Variants in PTPRT observed in about 807,000 individuals in gnomAD.
PTPRT encodes receptor-type tyrosine-protein phosphatase T.
PTPRT carries 56 observed loss-of-function variants against 176.8 expected under a neutral mutation model. The observed-to-expected ratio is 0.32, with a 90% CI of 0.26 to 0.40. The LOEUF (loss-of-function observed/expected upper bound fraction) is 0.40. Among genes scored for constraint, PTPRT ranks in the 10% least tolerant of loss-of-function variants. The pLI, the probability that PTPRT is intolerant of heterozygous loss-of-function variation, is 1.00. For synonymous variants in PTPRT, 783 were observed against 739.0 expected (o/e 1.06, Z -0.96); for missense variants, 1,540 against 1,908.2 (o/e 0.81, Z 3.60).
chr20:42,481,991 C>T (rs1419227875), intron 7 of PTPRT, among the ~76,000 whole-genome samples: 2 of 152,056 alleles, frequency 1.3e-5, no homozygotes, highest in Non-Finnish European at 2.9e-5. Flanking sequence ...CAATACAACT[C>T]ACCCATCACA....
rs2074499666 is a variant in PTPRT at position 42,633,984 on chromosome 20, ATTATATT to A, written c.1153+43875_1153+43881del. Among the ~76,000 whole-genome samples the A allele has an allele frequency of 3.3e-4, 11 of 33,142 alleles. 1 individual carries two copies. Among genetic ancestry groups the A allele is most frequent in the African/African-American group, 1.0e-3 (9 of 8,940 alleles). The allele number at this position is 33,142 out of a possible 152,430, so 21.7% of individuals were successfully genotyped here. On this transcript the variant is annotated intron_variant, in intron 7 of 30. Transcript: ENST00000373187. ...TATAATATATTATAATATATTATAT[ATTATATT>A]ATATATATTATATATATATAATATA...
At chr20:42,252,528 C>A (rs1228573960) in intron 13 of PTPRT, among the ~76,000 whole-genome samples, 1 of 152,060 alleles carries the variant, frequency 6.6e-6, no homozygotes, top group East Asian at 1.9e-4. Flanking sequence ...AGGAAGTAAA[C>A]CTGGGAGAGT....
rs1023858474 is a variant in PTPRT, at chr20:42,784,086, C to T, written c.487-3787G>A. Among the ~76,000 whole-genome samples the T allele has an allele frequency of 9.9e-5, 15 of 152,122 alleles. 1 individual carries two copies. The highest frequency in any genetic ancestry group is 2.2e-4 in the African/African-American group (9 of 41,418). On this transcript the variant is annotated intron_variant, in intron 3 of 30. Coordinates refer to ENST00000373187, the MANE Select transcript of PTPRT (RefSeq NM_007050.6). ...AGGCTTCATTAGAGACCTCCTGGTG[C>T]GGGTGTTGAAGAGATGAGGCTTGCA...
At chr20:42,188,237 G>A (rs2903466) in intron 16 of PTPRT, among the ~76,000 whole-genome samples, 24,309 of 152,230 alleles carry the variant, frequency 0.16, 2,438 homozygotes, top group Non-Finnish European at 0.22. Flanking sequence ...GGCTAAGGCC[G>A]GGGACACTTC....
chr20:42,213,333 C>T (rs552585295), intron 15 of PTPRT, among the ~76,000 whole-genome samples: 2 of 87,294 alleles, frequency 2.3e-5, no homozygotes, highest in South Asian at 1.0e-3. Flanking sequence ...GGTGCCGGGT[C>T]CAGATCTCCA....
At chr20:42,796,537 T>C (rs1435957936) in intron 2 of PTPRT, among the ~76,000 whole-genome samples, 1 of 152,232 alleles carries the variant, frequency 6.6e-6, no homozygotes, top group Non-Finnish European at 1.5e-5. Context: ...ATTTTCCGAC[T>C]CCGATTTCAG....
chr20:42,147,636 C>T (rs1988930200), intron 17 of PTPRT, among the ~76,000 whole-genome samples: 1 of 152,206 alleles, frequency 6.6e-6, no homozygotes, highest in Non-Finnish European at 1.5e-5. Flanking sequence ...CCATGCCTTC[C>T]AGGAGACACC....
intron 1 of PTPRT, among the ~76,000 whole-genome samples, chr20:42,888,853 C>A (rs188509604): frequency 6.6e-6 from 1 of 152,056 alleles, no homozygotes; most frequent in Non-Finnish European, 1.5e-5. Context: ...GGTAAGCATG[C>A]AAATATACAC....
At chr20:42,929,884 T>A (rs2145970227) in intron 1 of PTPRT, among the ~76,000 whole-genome samples, 1 of 152,340 alleles carries the variant, frequency 6.6e-6, no homozygotes, top group South Asian at 2.1e-4. Flanking sequence ...AACAATTTAT[T>A]AAGTACTTGA....
At chr20:42,901,205 A>G (rs910816659) in intron 1 of PTPRT, among the ~76,000 whole-genome samples, 2 of 151,580 alleles carry the variant, frequency 1.3e-5, no homozygotes, top group African/African-American at 2.4e-5. Context: ...TTCTCTCTCA[A>G]ACTGTCTTTT....
intron 6 of PTPRT, among the ~76,000 whole-genome samples, chr20:42,683,346 C>A (rs1214737557): frequency 6.6e-6 from 1 of 151,518 alleles, no homozygotes; most frequent in Non-Finnish European, 1.5e-5. Flanking sequence ...GGTGCAATCT[C>A]GGCTCACTGA....
At chr20:42,309,897 A>G (rs1178953299) in intron 12 of PTPRT, among the ~76,000 whole-genome samples, 1 of 152,180 alleles carries the variant, frequency 6.6e-6, no homozygotes, top group East Asian at 1.9e-4. Context: ...ACATGTGCAA[A>G]TAAAATACAT....
At chr20:42,780,433 G>A (rs1275469621) in intron 3 of PTPRT, 134 bp from the exon 4 acceptor site, 7 of 612,200 alleles carry the variant, frequency 1.1e-5, no homozygotes, top group South Asian at 2.1e-5. Context: ...TGTTAAGACA[G>A]CACGCTACCC....
intron 1 of PTPRT, among the ~76,000 whole-genome samples, chr20:43,111,021 C>T (rs2012835827): frequency 1.3e-5 from 2 of 152,092 alleles, no homozygotes; most frequent in African/African-American, 4.8e-5. Flanking sequence ...GCATCTACTA[C>T]ATCTGGAAAT....
At chr20:42,298,064 T>G (rs1441364376) in intron 12 of PTPRT, among the ~76,000 whole-genome samples, 2 of 152,016 alleles carry the variant, frequency 1.3e-5, no homozygotes, top group Non-Finnish European at 2.9e-5. Flanking sequence ...ATAAGCAAAG[T>G]CAACAGATAA....
At chr20:42,551,058 G>C (rs6102904) in intron 7 of PTPRT, among the ~76,000 whole-genome samples, 23,143 of 152,072 alleles carry the variant, frequency 0.15, 2,124 homozygotes, top group African/African-American at 0.25. Flanking sequence ...GGTAATGATA[G>C]CTTCTTCATG....
chr20:42,444,214 C>A (rs1169097539), intron 9 of PTPRT, among the ~76,000 whole-genome samples: 1 of 152,300 alleles, frequency 6.6e-6, no homozygotes, highest in East Asian at 1.9e-4. Flanking sequence ...CACCTCAGGG[C>A]CTTTGCACTC....
chr20:42,436,063 T>A (rs905291088), intron 9 of PTPRT, among the ~76,000 whole-genome samples: 1 of 152,090 alleles, frequency 6.6e-6, no homozygotes, highest in Admixed American at 6.6e-5. Context: ...AAAAATAAAA[T>A]TTTCACTCCA....
At chr20:42,036,265 A>G in the PTPRT span, among the ~76,000 whole-genome samples, 1 of 152,240 alleles carries the variant, frequency 6.6e-6, no homozygotes, top group Non-Finnish European at 1.5e-5. Context: ...ACAAGTGGAC[A>G]CAACATCAGG....
Sources: allele counts gnomAD v4.1 joint callset (sites outside exome capture counted in the v4.1 genomes callset), GRCh38; gene constraint gnomAD v4.1.1; transcripts MANE v1.5; gene names NCBI Gene and HGNC (gene_info 2026-07-23, HGNC 2026-07-21).